ERCC4: variants seen among roughly 807,000 people sequenced by gnomAD.
ERCC4 encodes DNA repair endonuclease XPF.
ERCC4 carries 65 observed loss-of-function variants against 76.9 expected under a neutral mutation model. The ratio of observed to expected loss-of-function variants is 0.84; its 90% confidence interval spans 0.69 to 1.04. The LOEUF is 1.04. ERCC4 is among the 50% of genes least tolerant of loss of function. The pLI is 0.00. For missense variants in ERCC4, 1,214 were observed against 1,128.2 expected, an observed-to-expected ratio of 1.08 and a Z score of -1.09; for synonymous variants, 463 against 410.1, an observed-to-expected ratio of 1.13 and a Z score of -1.56.
intron 4 of ERCC4, among the ~76,000 whole-genome samples, chr16:13,928,499 A>C (rs2032112276): frequency 6.6e-6 from 1 of 152,200 alleles, no homozygotes; most frequent in Non-Finnish European, 1.5e-5. Flanking sequence ...GAAGAAAATA[A>C]ATAACTTTTT....
At chr16:13,938,632 A>G (rs2032352651) in intron 9 of ERCC4, among the ~76,000 whole-genome samples, 1 of 152,216 alleles carries the variant, frequency 6.6e-6, no homozygotes, top group Non-Finnish European at 1.5e-5. Context: ...AGCCAGAGAA[A>G]GTTAGATCAG....
Position 13,948,022 on chromosome 16 carries a change from C to T in ERCC4, c.2426C>T (p.Thr809Met), listed in dbSNP as rs769080259. ...CTCTGGTGCCCCTCTCCTCATGCAACGGCGGAGTTGTTTGAGGAGCTGAAA... is the reference window on the plus strand; with the variant it reads ...CTCTGGTGCCCCTCTCCTCATGCAATGGCGGAGTTGTTTGAGGAGCTGAAA... ...RILWCPSPHA[T>M]AELFEELKQS... Residue 809 changes from threonine to methionine, a missense_variant, in exon 11 of 11, where the codon ACG becomes ATG. Coordinates refer to ENST00000311895, the MANE Select transcript of ERCC4 (RefSeq NM_005236.3). The T allele has an allele frequency of 6.2e-6, 10 of 1,614,038 alleles. No individual in the cohort carries two copies. Among genetic ancestry groups the T allele is most frequent in the African/African-American group, 2.7e-5 (2 of 74,908 alleles).
Position 13,947,985 on chromosome 16 carries a change from A to G in ERCC4, c.2389A>G (p.Arg797Gly). ...KLTLLTLHFP[R>G]LRILWCPSPH... ...CACTCTTCTTACACTTCACTTCCCC[A>G]GACTACGGATTCTCTGGTGCCCCTC... The change falls in exon 11 of 11, where the codon AGA becomes GGA. Residue 797 changes from arginine to glycine, a missense_variant. Arg to Gly is a moderately radical substitution (Grantham distance 125). Coordinates refer to ENST00000311895, the MANE Select transcript of ERCC4 (RefSeq NM_005236.3). 6.2e-7 allele frequency: 1 copy of G among 1,614,088 alleles called. No individual in the cohort carries two copies. Among genetic ancestry groups the G allele is most frequent in the Non-Finnish European group, 8.5e-7 (1 of 1,180,016 alleles).
chr16:13,926,576 G>A lies in ERCC4; in HGVS notation c.404G>A (p.Arg135Lys), dbSNP rs772606808. Residue 135 changes from arginine (R) to lysine (K), a missense_variant, in exon 3 of 11, where the codon AGA becomes AAA. By Grantham distance (26) the Arg-to-Lys change is conservative. Transcript: ENST00000311895. ...TCCCCCTCAGGCATCTTGGTGTATA[G>A]AGCCCACAGAATAATCGAGTCTTGT... The part of the protein sequence containing the change: ...SDLITGILVY[R>K]AHRIIESCQE... 6.2e-7 allele frequency: 1 copy of A among 1,613,976 alleles called. No individual in the cohort carries two copies. Among genetic ancestry groups the A allele is most frequent in the East Asian group, 2.2e-5 (1 of 44,872 alleles).
At chr16:13,942,259 T>C (rs939879937) in intron 9 of ERCC4, among the ~76,000 whole-genome samples, 2 of 152,214 alleles carry the variant, frequency 1.3e-5, no homozygotes, top group African/African-American at 2.4e-5. Flanking sequence ...TACATTTCTG[T>C]TAAACTGAAT....
At chr16:13,929,826 G>A (rs568425945) in intron 4 of ERCC4, among the ~76,000 whole-genome samples, 3 of 152,258 alleles carry the variant, frequency 2.0e-5, no homozygotes, top group South Asian at 2.1e-4. Context: ...TGAGCTGGGC[G>A]TGGTGGCAAC....
Sources: allele counts gnomAD v4.1 joint callset (sites outside exome capture counted in the v4.1 genomes callset), GRCh38; gene constraint gnomAD v4.1.1; transcripts MANE v1.5; gene names NCBI Gene and HGNC (gene_info 2026-07-23, HGNC 2026-07-21).